Variants in BMPR1A observed in about 807,000 individuals in gnomAD.
BMPR1A encodes the protein bone morphogenetic protein receptor type-1A.
BMPR1A carries 7 observed loss-of-function variants against 66.0 expected under a neutral mutation model. That is an observed-to-expected ratio of 0.11 (90% CI 0.06 to 0.20). BMPR1A has a LOEUF of 0.20. Ranked by LOEUF, BMPR1A falls within the 10% of genes least tolerant of loss-of-function variation. The pLI is 1.00. For synonymous variants in BMPR1A, 200 were observed against 229.7 expected, an observed-to-expected ratio of 0.87 and a Z score of 1.17; for missense variants, 408 against 669.1, an observed-to-expected ratio of 0.61 and a Z score of 4.31.
chr10:86,794,273 G>T (rs982866362), intron 1 of BMPR1A, among the ~76,000 whole-genome samples: 2 of 152,056 alleles, frequency 1.3e-5, no homozygotes, highest in Non-Finnish European at 2.9e-5. Context: ...GTGGTTAGAG[G>T]TGAGGCTTGG....
intron 7 of BMPR1A, among the ~76,000 whole-genome samples, chr10:86,907,241 G>C (rs1026640998): frequency 6.6e-6 from 1 of 152,108 alleles, no homozygotes; most frequent in African/African-American, 2.4e-5. Flanking sequence ...AAGTTTATTT[G>C]GATGTTGTAC....
downstream of BMPR1A, chr10:86,931,499 G>A (rs1843810967): frequency 2.0e-5 from 3 of 151,560 alleles, no homozygotes; most frequent in Admixed American, 1.3e-4. Flanking sequence ...TGCTGTGGGA[G>A]GGATTTTAAT....
At chr10:86,765,420 G>C (rs1047083988) in intron 1 of BMPR1A, among the ~76,000 whole-genome samples, 2 of 143,808 alleles carry the variant, frequency 1.4e-5, no homozygotes, top group African/African-American at 5.1e-5. Flanking sequence ...GGAGGTGGAG[G>C]TTGCAGTGAG....
chr10:86,756,487 G>A (rs1371631847), upstream of BMPR1A: 1 of 150,516 alleles, frequency 6.6e-6, no homozygotes, highest in East Asian at 1.9e-4. Flanking sequence ...GGGCGGGGCG[G>A]GGCAGGCGCC....
At chr10:86,928,471 GC>G (rs1843778112), downstream of BMPR1A, 1 of 151,522 alleles carries the variant, frequency 6.6e-6, no homozygotes, top group South Asian at 2.1e-4. Context: ...TGGCCCACTT[GC>G]CTTGGCCTCC....
In BMPR1A at chr10:86,924,021, A is replaced by C; in HGVS notation, c.*302A>C. ...CAATCCTGATTAGTGTCTCCAGTCA[A>C]GCTCTGGGTACTGAATTGCCTGTTC... On this transcript the variant is annotated 3_prime_UTR_variant, in exon 13 of 13. Transcript: ENST00000372037. 1 of 447,152 alleles carries C rather than the reference A, an allele frequency of 2.2e-6. No individual in the cohort carries two copies. Among genetic ancestry groups the C allele is most frequent in the East Asian group, 3.9e-5 (1 of 25,444 alleles). The allele number at this position is 447,152 out of a possible 1,614,324, so 27.7% of individuals were successfully genotyped here.
chr10:86,861,105 T>TGCTGGGATTACAGGCGTGAGCCACCGC (rs1842706935), intron 2 of BMPR1A, among the ~76,000 whole-genome samples: 1 of 152,106 alleles, frequency 6.6e-6, no homozygotes, highest in Admixed American at 6.5e-5. Context: ...CCTCCCAAAG[T>TGCTGGGATTACAGGCGTGAGCCACCGC]GCTGGGATTA....
chr10:86,919,022 AG>A, intron 9 of BMPR1A, 149 bp from the exon 10 acceptor site: 1 of 731,916 alleles, frequency 1.4e-6, no homozygotes, highest in Non-Finnish European at 2.4e-6. Context: ...TATAATTTTT[AG>A]TAACACATTC....
At chr10:86,884,133 G>T (rs1169873098) in intron 3 of BMPR1A, among the ~76,000 whole-genome samples, 1 of 152,014 alleles carries the variant, frequency 6.6e-6, no homozygotes, top group African/African-American at 2.4e-5. Flanking sequence ...CTCCCAAGGT[G>T]CTGGGGTTAC....
chr10:86,885,573 T>A (rs1843058205), intron 3 of BMPR1A, among the ~76,000 whole-genome samples: 2 of 152,350 alleles, frequency 1.3e-5, no homozygotes, highest in South Asian at 4.1e-4. Flanking sequence ...GTGGCTACCA[T>A]ATGGGACAGC....
At chr10:86,807,275 C>G (rs1382559179) in intron 1 of BMPR1A, among the ~76,000 whole-genome samples, 1 of 152,010 alleles carries the variant, frequency 6.6e-6, no homozygotes, top group Non-Finnish European at 1.5e-5. Flanking sequence ...TTTGGCCTTT[C>G]CCCAGTCCAT....
chr10:86,855,456 G>A, intron 2 of BMPR1A: 1 of 601,720 alleles, frequency 1.7e-6, no homozygotes, highest in Non-Finnish European at 3.0e-6. Flanking sequence ...AGTTATTTCT[G>A]ACCTACTGTA....
At chr10:86,888,682 C>T (rs916678420) in intron 3 of BMPR1A, among the ~76,000 whole-genome samples, 1 of 152,016 alleles carries the variant, frequency 6.6e-6, no homozygotes, top group African/African-American at 2.4e-5. Context: ...TAAAAATTAG[C>T]CGGGCATGGT....
Position 86,912,313 on chromosome 10 carries a change from G to T in BMPR1A, c.604G>T (p.Val202Phe), listed in dbSNP as rs878854670. 4 of 1,614,030 alleles carry T rather than the reference G, an allele frequency of 2.5e-6. No homozygotes were observed. Among genetic ancestry groups the T allele is most frequent in the Non-Finnish European group, 3.4e-6 (4 of 1,179,962 alleles). ...DLEQDEAFIP[V>F]GESLKDLIDQ... ...GGAACAGGATGAAGCATTTATTCCAGTTGGAGAATCACTAAAAGACCTTAT... is the reference window on the plus strand; with the variant it reads ...GGAACAGGATGAAGCATTTATTCCATTTGGAGAATCACTAAAAGACCTTAT... The change falls in exon 8 of 13, where the codon GTT becomes TTT. Residue 202 changes from valine (V) to phenylalanine (F), a missense_variant. By Grantham distance (50) the Val-to-Phe change is conservative (BLOSUM62 -1). This residue lies in a region of BMPR1A where 174 missense variants were observed against 265.1 expected (regional missense o/e 0.66). Transcript: ENST00000372037.
At chr10:86,909,737 T>C (rs910047966) in intron 7 of BMPR1A, among the ~76,000 whole-genome samples, 2 of 152,134 alleles carry the variant, frequency 1.3e-5, no homozygotes, top group Non-Finnish European at 2.9e-5. Context: ...CATGGAGAAC[T>C]GTATGACATT....
At chr10:86,762,829 A>G (rs1841090348) in intron 1 of BMPR1A, among the ~76,000 whole-genome samples, 2 of 152,210 alleles carry the variant, frequency 1.3e-5, no homozygotes, top group African/African-American at 4.8e-5. Context: ...TTTCCTGAGA[A>G]AGGTAGCCCG....
At chr10:86,833,635 G>A (rs73348052) in intron 1 of BMPR1A, among the ~76,000 whole-genome samples, 3,563 of 152,134 alleles carry the variant, frequency 0.023, 146 homozygotes, top group African/African-American at 0.081. Flanking sequence ...GGTGGTTGAT[G>A]GCTTTTATAT....
downstream of BMPR1A, chr10:86,930,067 T>C (rs1245088481): frequency 6.6e-6 from 1 of 152,244 alleles, no homozygotes; most frequent in Non-Finnish European, 1.5e-5. Flanking sequence ...CATAAACCGC[T>C]GAAAGTGGCC....
chr10:86,842,728 C>T (rs930268714), intron 2 of BMPR1A, among the ~76,000 whole-genome samples: 4 of 152,124 alleles, frequency 2.6e-5, no homozygotes, highest in Non-Finnish European at 1.5e-5. Flanking sequence ...ACTCATAGTT[C>T]CATGTGGCTA....
Sources: allele counts gnomAD v4.1 joint callset (sites outside exome capture counted in the v4.1 genomes callset), GRCh38; gene constraint gnomAD v4.1.1; regional missense constraint gnomAD v4.1.1; transcripts MANE v1.5; gene names NCBI Gene and HGNC (gene_info 2026-07-23, HGNC 2026-07-21).